TRIO: variants seen among roughly 807,000 people sequenced by gnomAD.
The protein encoded by TRIO is triple functional domain protein.
In TRIO, 58 loss-of-function variants were observed where a neutral mutation model predicts 351.9. That is an observed-to-expected ratio of 0.16 (90% CI 0.13 to 0.21). The LOEUF is 0.21. TRIO is among the 10% of genes least tolerant of loss of function. TRIO has a pLI of 1.00. For missense variants in TRIO, 3,201 were observed against 4,027.8 expected (o/e 0.79, Z 5.56); for synonymous variants, 1,758 against 1,595.7 (o/e 1.10, Z -2.42).
At chr5:14,379,314 G>A (rs1393229480) in intron 20 of TRIO, among the ~76,000 whole-genome samples, 1 of 152,234 alleles carries the variant, frequency 6.6e-6, no homozygotes, top group African/African-American at 2.4e-5. Flanking sequence ...CTTTTTAGCT[G>A]AAGAAAAATT....
chr5:14,409,639 C>A (rs1247980509), intron 33 of TRIO, among the ~76,000 whole-genome samples: 2 of 151,972 alleles, frequency 1.3e-5, no homozygotes, highest in Non-Finnish European at 2.9e-5. Flanking sequence ...TCGAGACCAT[C>A]CTGGCTAACA....
chr5:14,497,009 T>C lies in TRIO; in HGVS notation c.8011T>C (p.Ser2671Pro), dbSNP rs760800617. Residue 2671 changes from serine (S) to proline (P), a missense_variant, in exon 50 of 57, where the codon TCT becomes CCT. Ser to Pro is a moderately conservative substitution (Grantham distance 74, BLOSUM62 -1). Coordinates refer to ENST00000344204, the MANE Select transcript of TRIO (RefSeq NM_007118.4). This position sits in a 1 kb window ranked among gnomAD's most constrained non-coding sequence, Gnocchi z 4.4. ...KSREGLSNKVSVKLLNPNYIY... is the reference protein window; with the variant it reads ...KSREGLSNKVPVKLLNPNYIY... ...ACGGGAAGGACTCAGCAACAAGGTA[T>C]CTGTGAAGGTGTGTTCGGGGGTCTT... 17 of 1,614,048 alleles carry C rather than the reference T, an allele frequency of 1.1e-5. No homozygotes were observed. The Middle Eastern group carries it at 6.6e-4, about 62-fold the overall frequency.
At chr5:14,156,889 G>T (rs1788131153) in intron 1 of TRIO, among the ~76,000 whole-genome samples, 1 of 152,186 alleles carries the variant, frequency 6.6e-6, no homozygotes, top group Non-Finnish European at 1.5e-5. Flanking sequence ...TTACTTTCTG[G>T]TGATGTCGGA....
At chr5:14,486,079 A>G (rs1299883740) in intron 47 of TRIO, among the ~76,000 whole-genome samples, 1 of 152,052 alleles carries the variant, frequency 6.6e-6, no homozygotes, top group East Asian at 1.9e-4. Flanking sequence ...GCGTGGCCAC[A>G]CTACCCTTCC....
At chr5:14,309,216 C>G (rs1289504356) in intron 8 of TRIO, among the ~76,000 whole-genome samples, 1 of 152,196 alleles carries the variant, frequency 6.6e-6, no homozygotes, top group Non-Finnish European at 1.5e-5. Context: ...TCTTTCCATC[C>G]TTTCCCTTTC....
At chr5:14,450,774 C>T (rs1561505141) in intron 34 of TRIO, among the ~76,000 whole-genome samples, 2 of 152,202 alleles carry the variant, frequency 1.3e-5, no homozygotes, top group African/African-American at 4.8e-5. Flanking sequence ...GACAGCATAA[C>T]AAACAGTTGC....
intron 9 of TRIO, 63 bp downstream of exon 9, chr5:14,316,806 A>G (rs753824266): frequency 4.7e-5 from 69 of 1,479,078 alleles, no homozygotes; most frequent in Non-Finnish European, 2.3e-5. Context: ...GTTTAAATAC[A>G]TCATCATATT....
Position 14,510,046 on chromosome 5 carries a change from A to G in TRIO, c.*1624A>G, listed in dbSNP as rs1385330784. The G allele has an allele frequency of 6.6e-6, 1 of 152,118 alleles. No homozygotes were observed. Among genetic ancestry groups the G allele is most frequent in the African/African-American group, 2.4e-5 (1 of 41,412 alleles). The allele number at this position is 152,118 out of a possible 1,614,324, so 9.4% of individuals were successfully genotyped here. On this transcript the variant is annotated 3_prime_UTR_variant, in exon 57 of 57. Coordinates refer to ENST00000344204, the MANE Select transcript of TRIO (RefSeq NM_007118.4). ...GTGTATTCGTAACCTCATAATTTTTATTTGTGTATTGTTTCTTTTATTATT... is the reference window on the plus strand; with the variant it reads ...GTGTATTCGTAACCTCATAATTTTTGTTTGTGTATTGTTTCTTTTATTATT...
intron 27 of TRIO, among the ~76,000 whole-genome samples, chr5:14,393,033 C>T (rs979110602): frequency 2.8e-5 from 4 of 145,198 alleles, no homozygotes; most frequent in African/African-American, 5.2e-5. Context: ...GGCGACAGAG[C>T]GAGACTCCAT....
intron 40 of TRIO, among the ~76,000 whole-genome samples, chr5:14,475,478 G>T (rs62345058): frequency 0.018 from 2,749 of 152,338 alleles, 35 homozygotes; most frequent in Admixed American, 0.036. Context: ...AGGAACTACC[G>T]TGTCACGTAT....
intron 1 of TRIO, among the ~76,000 whole-genome samples, chr5:14,201,941 G>GT (rs1417137806): frequency 7.1e-6 from 1 of 140,428 alleles, no homozygotes; most frequent in East Asian, 2.2e-4. Context: ...ACACAGAAAG[G>GT]GGAACATCAC....
chr5:14,210,206 G>T (rs1791798058), intron 1 of TRIO, among the ~76,000 whole-genome samples: 4 of 152,178 alleles, frequency 2.6e-5, no homozygotes. Context: ...CTGTGTAGAA[G>T]GTTGGAAGTG....
chr5:14,405,059 G>GAA (rs369742532), intron 31 of TRIO, among the ~76,000 whole-genome samples: 1 of 107,292 alleles, frequency 9.3e-6, no homozygotes. Context: ...CATGCAGAAA[G>GAA]AAAAAAAAAA....
intron 34 of TRIO, among the ~76,000 whole-genome samples, chr5:14,456,224 C>T (rs891367559): frequency 3.3e-5 from 5 of 152,246 alleles, no homozygotes; most frequent in East Asian, 1.9e-4. Flanking sequence ...CTGCGAGCAC[C>T]GCACACAGCC....
chr5:14,244,253 C>T lies in TRIO; in HGVS notation c.158-26572C>T, dbSNP rs761826461. On this transcript the variant is annotated intron_variant, in intron 1 of 56. Transcript: ENST00000344204. The stretch of plus-strand genomic sequence containing the variant: ...ATTTTGCATTTGAAGTTGCCAGTTT[C>T]GGGAATGCACTTTGAAGTTGTAATT... 9.9e-5 allele frequency among the ~76,000 whole-genome samples: 15 copies of T among 152,222 alleles called. 1 individual carries two copies. The highest frequency in any genetic ancestry group is 4.2e-4 in the South Asian group (2 of 4,816).
intron 56 of TRIO, 69 bp from the exon 57 acceptor site, chr5:14,507,811 C>G (rs889202561): frequency 1.3e-6 from 2 of 1,542,888 alleles, no homozygotes; most frequent in African/African-American, 2.7e-5. Flanking sequence ...ACCATAGAGT[C>G]CCGCCCATCA....
chr5:14,389,337 A>G lies in TRIO; in HGVS notation c.3997A>G (p.Ile1333Val), dbSNP rs770762103. 6.2e-6 allele frequency: 10 copies of G among 1,613,074 alleles called. No individual in the cohort carries two copies. In the South Asian group the frequency reaches 8.8e-5, roughly 14 times the overall value. ...TSGVEEIPPGIVNKELIIFGN... is the reference protein window; with the variant it reads ...TSGVEEIPPGVVNKELIIFGN... ...TGGCGTGGAAGAGATTCCACCTGGC[A>G]TTGTAAACAAAGAACTCATCATCTT... The change falls in exon 25 of 57, where the codon ATT becomes GTT. Residue 1333 changes from isoleucine (I) to valine (V), a missense_variant. Physicochemically the swap from Ile to Val is conservative, Grantham distance 29. Transcript: ENST00000344204.
chr5:14,364,021 A>G (rs967849293), intron 14 of TRIO, 94 bp downstream of exon 14: 9 of 1,268,998 alleles, frequency 7.1e-6, no homozygotes, highest in African/African-American at 3.0e-5. Context: ...AAATTTTGTT[A>G]GTTCCTATGA....
chr5:14,481,208 T>C lies in TRIO; in HGVS notation c.6337-26T>C, dbSNP rs778902467. 5.0e-6 allele frequency: 8 copies of C among 1,609,298 alleles called. No individual in the cohort carries two copies. In the African/African-American group the frequency reaches 1.1e-4, roughly 22 times the overall value. On this transcript the variant is annotated intron_variant, in intron 43 of 56. Coordinates refer to ENST00000344204, the MANE Select transcript of TRIO (RefSeq NM_007118.4). The stretch of plus-strand genomic sequence containing the variant: ...GCTGCTGTTGTCTTTGTCACCATTA[T>C]CATGTCCTCTCCATTTCCCTTGCAG...
Sources: allele counts gnomAD v4.1 joint callset (sites outside exome capture counted in the v4.1 genomes callset), GRCh38; gene constraint gnomAD v4.1.1; non-coding constraint Gnocchi (gnomAD v3.1); transcripts MANE v1.5; gene names NCBI Gene and HGNC (gene_info 2026-07-23, HGNC 2026-07-21).